Variants in ACTR3 observed in about 807,000 individuals in gnomAD.
The protein encoded by ACTR3 is actin-related protein 3.
ACTR3 carries 12 observed loss-of-function variants against 56.8 expected under a neutral mutation model. The ratio of observed to expected loss-of-function variants is 0.21; its 90% CI spans 0.14 to 0.34. ACTR3 has a LOEUF of 0.34. Among genes scored for constraint, ACTR3 ranks in the 10% least tolerant of loss-of-function variants. The probability of loss-of-function intolerance (pLI) is 1.00; values close to 1 mark genes in which losing one functional copy is unlikely to be tolerated. For missense variants in ACTR3, 282 were observed against 512.5 expected, an observed-to-expected ratio of 0.55 and a Z score of 4.34; for synonymous variants, 162 against 167.4, an observed-to-expected ratio of 0.97 and a Z score of 0.25.
chr2:113,920,579 A>G (rs1679489206), intron 3 of ACTR3, among the ~76,000 whole-genome samples: 1 of 152,222 alleles, frequency 6.6e-6, no homozygotes, highest in African/African-American at 2.4e-5. Context: ...ATAGAACACT[A>G]GAACTTATTC....
At chr2:113,935,682 T>A (rs916763356) in intron 6 of ACTR3, among the ~76,000 whole-genome samples, 2 of 152,244 alleles carry the variant, frequency 1.3e-5, no homozygotes, top group Non-Finnish European at 2.9e-5. Context: ...AGTTTATTTT[T>A]CTTTCTTAGT....
chr2:113,903,222 A>G (rs1407380317), intron 1 of ACTR3, among the ~76,000 whole-genome samples: 1 of 152,116 alleles, frequency 6.6e-6, no homozygotes, highest in African/African-American at 2.4e-5. Flanking sequence ...ATATGAGTAC[A>G]TTGTTTTCCT....
chr2:113,909,258 T>G (rs1426080658), intron 1 of ACTR3, among the ~76,000 whole-genome samples: 1 of 152,212 alleles, frequency 6.6e-6, no homozygotes, highest in Non-Finnish European at 1.5e-5. Flanking sequence ...ATTTTTGTTT[T>G]GATTACATAT....
intron 1 of ACTR3, among the ~76,000 whole-genome samples, chr2:113,907,053 A>G (rs1165872985): frequency 6.6e-6 from 1 of 152,190 alleles, no homozygotes; most frequent in African/African-American, 2.4e-5. Flanking sequence ...TTCAGATATG[A>G]AAGTTTGTCC....
chr2:113,913,354 A>G (rs1312202302), intron 2 of ACTR3, 127 bp downstream of exon 2: 2 of 650,390 alleles, frequency 3.1e-6, no homozygotes, highest in South Asian at 6.1e-5. Flanking sequence ...ATGATTTGCC[A>G]GGTTCTAAGT....
At chr2:113,929,553 G>A (rs1419444927) in intron 4 of ACTR3, among the ~76,000 whole-genome samples, 1 of 152,192 alleles carries the variant, frequency 6.6e-6, no homozygotes, top group South Asian at 2.1e-4. Flanking sequence ...GCGTCATAGG[G>A]TAGGTACCTG....
At chr2:113,894,928 T>A (rs563357264) in intron 1 of ACTR3, among the ~76,000 whole-genome samples, 1 of 152,290 alleles carries the variant, frequency 6.6e-6, no homozygotes, top group African/African-American at 2.4e-5. Flanking sequence ...CTTTATGTGT[T>A]GCTTCATTGT....
chr2:113,945,675 C>T (rs904945468), intron 8 of ACTR3, among the ~76,000 whole-genome samples: 32 of 151,892 alleles, frequency 2.1e-4, no homozygotes, highest in African/African-American at 7.0e-4. Context: ...TTCAGGGGTA[C>T]ATGTACAGGT....
At chr2:113,921,249 G>C (rs989837956) in intron 3 of ACTR3, among the ~76,000 whole-genome samples, 5 of 149,150 alleles carry the variant, frequency 3.4e-5, no homozygotes, top group Non-Finnish European at 7.4e-5. Context: ...TCATGTATTT[G>C]TTGGCCGTTG....
intron 6 of ACTR3, among the ~76,000 whole-genome samples, chr2:113,939,596 G>A (rs577526731): frequency 6.6e-6 from 1 of 152,280 alleles, no homozygotes. Flanking sequence ...TAAGCACTTT[G>A]TCACATTTCT....
chr2:113,892,610 T>G (rs1678926900), intron 1 of ACTR3, among the ~76,000 whole-genome samples: 1 of 152,230 alleles, frequency 6.6e-6, no homozygotes, highest in African/African-American at 2.4e-5. Flanking sequence ...TAAACATCTC[T>G]AAGTATGGCC....
chr2:113,900,657 G>A (rs747374139), intron 1 of ACTR3, among the ~76,000 whole-genome samples: 2 of 152,134 alleles, frequency 1.3e-5, no homozygotes, highest in Admixed American at 6.6e-5. Flanking sequence ...TTTTATTCCC[G>A]ATGCATTAGG....
intron 10 of ACTR3, chr2:113,953,167 T>C (rs1255938291): frequency 6.6e-6 from 1 of 152,212 alleles, no homozygotes; most frequent in Non-Finnish European, 1.5e-5. Context: ...CTGAGTATAG[T>C]ATTTTAAAAA....
At chr2:113,951,921 C>A in intron 10 of ACTR3, 76 bp downstream of exon 10, 2 of 1,576,152 alleles carry the variant, frequency 1.3e-6, no homozygotes, top group South Asian at 1.2e-5. Flanking sequence ...TGCCAGCATT[C>A]ACTCTGATTT....
At chr2:113,894,596 A>G (rs533890039) in intron 1 of ACTR3, among the ~76,000 whole-genome samples, 1 of 150,652 alleles carries the variant, frequency 6.6e-6, no homozygotes, top group Admixed American at 6.6e-5. Flanking sequence ...CCTGCCTGCC[A>G]ATTTTGTGTT....
intron 1 of ACTR3, among the ~76,000 whole-genome samples, chr2:113,892,792 C>T (rs1306718807): frequency 6.6e-6 from 1 of 152,028 alleles, no homozygotes; most frequent in Non-Finnish European, 1.5e-5. Context: ...TCAGGTTGCT[C>T]ATTTCATTCA....
intron 1 of ACTR3, among the ~76,000 whole-genome samples, chr2:113,893,095 C>G (rs1021405285): frequency 6.6e-6 from 1 of 152,048 alleles, no homozygotes. Flanking sequence ...CACATAGATT[C>G]CCATTGGTGG....
intron 1 of ACTR3, among the ~76,000 whole-genome samples, chr2:113,900,679 A>G (rs775272625): frequency 3.9e-5 from 6 of 152,226 alleles, no homozygotes; most frequent in Non-Finnish European, 7.3e-5. Flanking sequence ...ATAGTCTATG[A>G]TCACAGGATC....
At chr2:113,902,736 A>G (rs1679124617) in intron 1 of ACTR3, among the ~76,000 whole-genome samples, 1 of 152,044 alleles carries the variant, frequency 6.6e-6, no homozygotes, top group Admixed American at 6.6e-5. Context: ...AGTAGCTGAA[A>G]TTACAGGTGC....
Sources: allele counts gnomAD v4.1 joint callset (sites outside exome capture counted in the v4.1 genomes callset), GRCh38; gene constraint gnomAD v4.1.1; transcripts MANE v1.5; gene names NCBI Gene and HGNC (gene_info 2026-07-23, HGNC 2026-07-21).